Variants in L3MBTL4 observed in about 807,000 individuals in gnomAD.
L3MBTL4 encodes the protein lethal(3)malignant brain tumor-like protein 4.
Under a neutral mutation model 84.5 loss-of-function variants are expected in L3MBTL4, and 70 were observed. The observed-to-expected ratio is 0.83, with a 90% CI of 0.68 to 1.01. The LOEUF is 1.01. L3MBTL4 is among the 50% of genes least tolerant of loss of function. The pLI, the probability that L3MBTL4 is intolerant of heterozygous loss-of-function variation, is 0.00. For synonymous variants in L3MBTL4, 274 were observed against 259.8 expected (o/e 1.05, Z -0.52); for missense variants, 715 against 754.8 (o/e 0.95, Z 0.62).
intron 1 of L3MBTL4, among the ~76,000 whole-genome samples, chr18:6,335,523 T>C (rs1373080209): frequency 6.6e-6 from 1 of 152,240 alleles, no homozygotes; most frequent in African/African-American, 2.4e-5. Flanking sequence ...TGTAATGATA[T>C]GCATTAAAGA....
At chr18:6,065,113 G>T (rs2057357740) in intron 16 of L3MBTL4, among the ~76,000 whole-genome samples, 1 of 151,870 alleles carries the variant, frequency 6.6e-6, no homozygotes, top group Non-Finnish European at 1.5e-5. Context: ...TGATCATATG[G>T]TTTTTGTTTT....
chr18:6,312,657 A>C (rs1361979607), intron 1 of L3MBTL4, among the ~76,000 whole-genome samples: 1 of 152,110 alleles, frequency 6.6e-6, no homozygotes, highest in Non-Finnish European at 1.5e-5. Context: ...CATTCAAACA[A>C]TACTACTTCT....
At chr18:6,231,178 A>G (rs1599253268) in intron 10 of L3MBTL4, among the ~76,000 whole-genome samples, 1 of 151,918 alleles carries the variant, frequency 6.6e-6, no homozygotes, top group East Asian at 1.9e-4. Context: ...ATGGTATTTC[A>G]TAGGTTATCT....
intron 11 of L3MBTL4, among the ~76,000 whole-genome samples, chr18:6,213,855 G>C (rs1433013942): frequency 6.6e-6 from 1 of 152,186 alleles, no homozygotes; most frequent in African/African-American, 2.4e-5. Context: ...ATTTGTTAAT[G>C]ATTACACTAA....
chr18:6,037,548 C>T lies in L3MBTL4; in HGVS notation c.1444+43333G>A, dbSNP rs143832517. ...AAATTCATTAAAAAAGGCCACCACG[C>T]TCTACATGGAAATTTGTGCAGGGCA... On this transcript the variant is annotated intron_variant, in intron 16 of 18. Transcript: ENST00000317931. 4.3e-3 allele frequency among the ~76,000 whole-genome samples: 662 copies of T among 152,230 alleles called. 6 individuals carry two copies. Among genetic ancestry groups the T allele is most frequent in the African/African-American group, 0.015 (617 of 41,520 alleles).
At chr18:6,285,624 G>T (rs2049537958) in intron 4 of L3MBTL4, among the ~76,000 whole-genome samples, 2 of 151,814 alleles carry the variant, frequency 1.3e-5, no homozygotes, top group South Asian at 4.2e-4. Flanking sequence ...TTGCTCCAAA[G>T]ATGTAATTCC....
chr18:6,263,269 C>CAAAAAAA (rs750079581), intron 5 of L3MBTL4, among the ~76,000 whole-genome samples: 1 of 60,702 alleles, frequency 1.6e-5, no homozygotes. Flanking sequence ...CTCCGTCTCA[C>CAAAAAAA]AAAAAAAAAA....
intron 13 of L3MBTL4, among the ~76,000 whole-genome samples, chr18:6,152,675 T>C (rs1374454763): frequency 6.6e-6 from 1 of 152,190 alleles, no homozygotes; most frequent in African/African-American, 2.4e-5. Flanking sequence ...CGGGTTTGTA[T>C]CTATTTTCTC....
At chr18:6,386,925 T>C (rs2054845250) in intron 1 of L3MBTL4, among the ~76,000 whole-genome samples, 1 of 151,832 alleles carries the variant, frequency 6.6e-6, no homozygotes, top group Non-Finnish European at 1.5e-5. Context: ...AAGGCAAGGG[T>C]GGAAACAGGG....
intron 12 of L3MBTL4, among the ~76,000 whole-genome samples, chr18:6,185,479 G>A (rs1281647290): frequency 6.6e-6 from 1 of 152,148 alleles, no homozygotes; most frequent in Non-Finnish European, 1.5e-5. Flanking sequence ...CTCACTGCAG[G>A]CTGCAGGCTG....
intron 16 of L3MBTL4, among the ~76,000 whole-genome samples, chr18:6,022,802 T>C (rs995874729): frequency 6.6e-6 from 1 of 152,260 alleles, no homozygotes; most frequent in Admixed American, 6.5e-5. Flanking sequence ...TTCTCTTTTT[T>C]ACTTTTATGT....
At chr18:6,115,100 G>A (rs2059316742) in intron 14 of L3MBTL4, among the ~76,000 whole-genome samples, 1 of 152,226 alleles carries the variant, frequency 6.6e-6, no homozygotes, top group South Asian at 2.1e-4. Flanking sequence ...TTTTGAAGGA[G>A]ATGGCGTGTA....
At chr18:6,247,013 A>G (rs2047693117) in intron 5 of L3MBTL4, among the ~76,000 whole-genome samples, 1 of 152,160 alleles carries the variant, frequency 6.6e-6, no homozygotes, top group Admixed American at 6.5e-5. Flanking sequence ...GCTACATTTC[A>G]CCTGCTTTGC....
At chr18:6,278,303 G>A (rs1182681844) in intron 4 of L3MBTL4, among the ~76,000 whole-genome samples, 2 of 151,934 alleles carry the variant, frequency 1.3e-5, no homozygotes, top group African/African-American at 2.4e-5. Context: ...AAATTTTATC[G>A]AAAGCCATTT....
At chr18:6,099,585 A>AATATATATATATATATATATAT (rs36091567) in intron 14 of L3MBTL4, among the ~76,000 whole-genome samples, 742 of 64,558 alleles carry the variant, frequency 0.011, 73 homozygotes, top group East Asian at 0.026. Context: ...AGATAATGTA[A>AATATATATATATATATATATAT]ATATATATAT....
At position 6,387,884 on chromosome 18, in the gene L3MBTL4, T is replaced by C. The variant is rs529824196; in HGVS notation, c.-91+26917A>G. On this transcript the variant is annotated intron_variant, in intron 1 of 18. Transcript: ENST00000317931. Reference sequence around the variant, plus strand: ...GGAGCAGAAGTAGTATAAATAAAGATAGTTTTCACCTTTCCCATGCAAACG... The same window carrying C: ...GGAGCAGAAGTAGTATAAATAAAGACAGTTTTCACCTTTCCCATGCAAACG... 6.6e-5 allele frequency among the ~76,000 whole-genome samples: 10 copies of C among 152,276 alleles called. No individual in the cohort carries two copies. The South Asian group carries it at 1.7e-3, about 25-fold the overall frequency.
Position 5,956,223 on chromosome 18 carries a change from T to C in L3MBTL4, c.1842A>G (p.Gly614=), listed in dbSNP as rs1567907999. 1 of 1,612,168 alleles carries C rather than the reference T, an allele frequency of 6.2e-7. No homozygotes were observed. The highest frequency in any genetic ancestry group is 8.5e-7 in the Non-Finnish European group (1 of 1,179,064). The change falls in exon 19 of 19, where the codon GGA becomes GGG. Residue 614 remains glycine, a synonymous_variant. Coordinates refer to ENST00000317931, the MANE Select transcript of L3MBTL4 (RefSeq NM_001330559.2). ...AGAGGAAGTTCAGGGAGCCCATTCA[T>C]CCCCTGACTTCTTGGCCTGAGGCAA... The part of the protein sequence containing the change: ...EDIASGQEVR[G]
At chr18:6,210,383 G>A (rs1200728242) in intron 12 of L3MBTL4, among the ~76,000 whole-genome samples, 1 of 152,174 alleles carries the variant, frequency 6.6e-6, no homozygotes, top group African/African-American at 2.4e-5. Flanking sequence ...ACTAGGAAGT[G>A]AGTTATTTAG....
chr18:6,084,521 C>T (rs2058194214), intron 15 of L3MBTL4, among the ~76,000 whole-genome samples: 3 of 152,168 alleles, frequency 2.0e-5, no homozygotes, highest in Admixed American at 2.0e-4. Flanking sequence ...TTAGTTATAA[C>T]TTAAGGCTTA....
Sources: allele counts gnomAD v4.1 joint callset (sites outside exome capture counted in the v4.1 genomes callset), GRCh38; gene constraint gnomAD v4.1.1; transcripts MANE v1.5; gene names NCBI Gene and HGNC (gene_info 2026-07-23, HGNC 2026-07-21).